The following TNKS variants were observed in gnomAD, a reference collection of about 807,000 sequenced individuals.
TNKS encodes the protein tankyrase.
Under a neutral mutation model 135.8 loss-of-function variants are expected in TNKS, and 72 were observed. The ratio of observed to expected loss-of-function variants is 0.53; its 90% CI spans 0.44 to 0.64. The LOEUF (loss-of-function observed/expected upper bound fraction) is 0.64, where lower values mean the gene tolerates loss of function less well. TNKS is among the 30% of genes least tolerant of loss of function. The pLI is 0.00. For missense variants in TNKS, 1,769 were observed against 1,674.0 expected, an observed-to-expected ratio of 1.06 and a Z score of -0.99; for synonymous variants, 849 against 649.3, an observed-to-expected ratio of 1.31 and a Z score of -4.68.
intron 2 of TNKS, among the ~76,000 whole-genome samples, chr8:9,608,254 G>A (rs1337865531): frequency 6.6e-6 from 1 of 152,138 alleles, no homozygotes; most frequent in African/African-American, 2.4e-5. Context: ...GTTATCAGTA[G>A]TTTTTTCCTC....
chr8:9,756,595 A>G (rs190219124), intron 20 of TNKS, among the ~76,000 whole-genome samples: 277 of 152,264 alleles, frequency 1.8e-3, no homozygotes, highest in African/African-American at 6.5e-3. Flanking sequence ...TGATAGGGGT[A>G]TATATAAAAT....
intron 5 of TNKS, among the ~76,000 whole-genome samples, chr8:9,696,065 C>A (rs939960530): frequency 6.6e-6 from 1 of 152,134 alleles, no homozygotes; most frequent in African/African-American, 2.4e-5. Context: ...TAACCAGTAA[C>A]CTCCACAGTA....
chr8:9,603,258 G>A (rs941426109), intron 2 of TNKS, among the ~76,000 whole-genome samples: 4 of 152,082 alleles, frequency 2.6e-5, no homozygotes, highest in Non-Finnish European at 5.9e-5. Flanking sequence ...TCACCATGTT[G>A]ACCAGGCTGG....
chr8:9,770,514 C>T (rs1318563305), intron 26 of TNKS, among the ~76,000 whole-genome samples: 1 of 152,222 alleles, frequency 6.6e-6, no homozygotes, highest in Non-Finnish European at 1.5e-5. Flanking sequence ...AGGCTTGGGC[C>T]CTCATGCCGT....
At chr8:9,627,100 A>G (rs1800086087) in intron 3 of TNKS, among the ~76,000 whole-genome samples, 1 of 152,114 alleles carries the variant, frequency 6.6e-6, no homozygotes, top group Non-Finnish European at 1.5e-5. Flanking sequence ...AGTTGTGCCT[A>G]TGTAATGAAG....
At chr8:9,612,679 T>C (rs1799505415) in intron 2 of TNKS, among the ~76,000 whole-genome samples, 1 of 152,198 alleles carries the variant, frequency 6.6e-6, no homozygotes, top group Non-Finnish European at 1.5e-5. Flanking sequence ...TATCTGTGGC[T>C]GCTTTCACAC....
At chr8:9,747,969 T>G in intron 17 of TNKS, 55 bp from the exon 18 acceptor site, 1 of 1,509,854 alleles carries the variant, frequency 6.6e-7, no homozygotes, top group East Asian at 2.3e-5. Flanking sequence ...TACACAATGG[T>G]GCTTTACCAG....
chr8:9,586,405 A>C (rs1487411017), intron 2 of TNKS, among the ~76,000 whole-genome samples: 1 of 152,146 alleles, frequency 6.6e-6, no homozygotes, highest in African/African-American at 2.4e-5. Context: ...TTTAATATGT[A>C]ATAGGATTTC....
In TNKS at chr8:9,721,988, G is replaced by C. The variant is rs1219980071; in HGVS notation, c.1921+1443G>C. Reference sequence around the variant, plus strand: ...GAATCACTGGAACCTAGGAGACGGAGGTTGCAGTGAGCCAAGATCGCGCCA... The same window carrying C: ...GAATCACTGGAACCTAGGAGACGGACGTTGCAGTGAGCCAAGATCGCGCCA... On this transcript the variant is annotated intron_variant, in intron 12 of 26. Transcript: ENST00000310430. Among the ~76,000 whole-genome samples the C allele has an allele frequency of 5.3e-5, 8 of 151,878 alleles. No homozygotes were observed. The East Asian group carries it at 1.6e-3, about 29-fold the overall frequency.
At chr8:9,751,420 C>G (rs920645030) in intron 18 of TNKS, among the ~76,000 whole-genome samples, 189 bp from the exon 19 acceptor site, 2 of 151,966 alleles carry the variant, frequency 1.3e-5, no homozygotes, top group African/African-American at 2.4e-5. Context: ...ATAGTTTCTC[C>G]AATTCTGTCT....
intron 5 of TNKS, among the ~76,000 whole-genome samples, chr8:9,694,306 G>C (rs1267175615): frequency 6.6e-6 from 1 of 151,972 alleles, no homozygotes; most frequent in East Asian, 1.9e-4. Flanking sequence ...AAGGTGCTTT[G>C]TTAAGCCTTT....
rs776808422 is a variant in TNKS, at chr8:9,730,999, T to TACA, written c.2112_2114dup (p.Leu704_His705insGln). On this transcript the variant is annotated inframe_insertion, in exon 14 of 27. Transcript: ENST00000310430. ...CGCGTGTCTGTTGTAGAGTACCTGC[T>TACA]ACACCACGGTGCCGATGTCCATGCC... 2.7e-5 allele frequency: 44 copies of TACA among 1,613,314 alleles called. No homozygotes were observed. The highest frequency in any genetic ancestry group is 3.6e-5 in the Non-Finnish European group (42 of 1,179,640).
At chr8:9,673,179 A>T (rs992612624) in intron 3 of TNKS, among the ~76,000 whole-genome samples, 1 of 152,124 alleles carries the variant, frequency 6.6e-6, no homozygotes, top group African/African-American at 2.4e-5. Context: ...AGGAAATGGG[A>T]TGTGTATCTT....
At chr8:9,700,531 A>G (rs1254159750) in intron 5 of TNKS, among the ~76,000 whole-genome samples, 2 of 152,108 alleles carry the variant, frequency 1.3e-5, no homozygotes, top group Non-Finnish European at 2.9e-5. Flanking sequence ...CCACTGGGGT[A>G]TCATCTAGGC....
chr8:9,590,203 A>G (rs561812106), intron 2 of TNKS, among the ~76,000 whole-genome samples: 6 of 152,240 alleles, frequency 3.9e-5, no homozygotes, highest in East Asian at 3.9e-4. Flanking sequence ...GCTCCCGTCT[A>G]CATCATGGAC....
intron 5 of TNKS, among the ~76,000 whole-genome samples, chr8:9,697,573 C>T (rs191321406): frequency 3.2e-3 from 493 of 152,208 alleles, no homozygotes; most frequent in Non-Finnish European, 5.3e-3. Flanking sequence ...TATCCAGGAT[C>T]TATAAGGAAC....
intron 11 of TNKS, among the ~76,000 whole-genome samples, chr8:9,714,921 T>C (rs1804530426): frequency 6.6e-6 from 1 of 152,240 alleles, no homozygotes; most frequent in Non-Finnish European, 1.5e-5. Flanking sequence ...AAAGATCTAC[T>C]GAGAATTCAC....
intron 1 of TNKS, among the ~76,000 whole-genome samples, chr8:9,563,894 A>C (rs1234211198): frequency 6.6e-6 from 1 of 152,168 alleles, no homozygotes; most frequent in African/African-American, 2.4e-5. Context: ...TTTTTACAGA[A>C]ATTAATTACT....
intron 12 of TNKS, among the ~76,000 whole-genome samples, chr8:9,723,528 T>C (rs1323397572): frequency 6.6e-6 from 1 of 152,202 alleles, no homozygotes; most frequent in East Asian, 1.9e-4. Flanking sequence ...AATATTTGTG[T>C]CAAAACTAAC....
Sources: allele counts gnomAD v4.1 joint callset (sites outside exome capture counted in the v4.1 genomes callset), GRCh38; gene constraint gnomAD v4.1.1; transcripts MANE v1.5; gene names NCBI Gene and HGNC (gene_info 2026-07-23, HGNC 2026-07-21).